HSD3B7: variants seen among roughly 807,000 people sequenced by gnomAD.
The protein encoded by HSD3B7 is 3 beta-hydroxysteroid dehydrogenase type 7.
HSD3B7 carries 35 observed loss-of-function variants against 34.3 expected under a neutral mutation model. The observed-to-expected ratio is 1.02, with a 90% CI of 0.78 to 1.35. The LOEUF (loss-of-function observed/expected upper bound fraction) is 1.35, where lower values mean the gene tolerates loss of function less well. Among genes scored for constraint, HSD3B7 ranks in the 40% most tolerant of loss-of-function variants. HSD3B7 has a pLI of 0.00. For synonymous variants in HSD3B7, 217 were observed against 220.1 expected (o/e 0.99, Z 0.13); for missense variants, 426 against 504.7 (o/e 0.84, Z 1.49).
chr16:30,985,626 C>A (rs1436356722), intron 1 of HSD3B7, 27 bp from the exon 2 acceptor site: 1 of 1,584,550 alleles, frequency 6.3e-7, no homozygotes. Context: ...CAGCCAGCCC[C>A]TGGATGAGCC....
In HSD3B7 at chr16:30,986,645, C is replaced by T; in HGVS notation, c.472C>T (p.Pro158Ser). 6.2e-7 allele frequency: 1 copy of T among 1,614,212 alleles called. No individual in the cohort carries two copies. Among genetic ancestry groups the T allele is most frequent in the Non-Finnish European group, 8.5e-7 (1 of 1,180,042 alleles). ...CCCATACGAAGCAGTGCACAGGCACCCCTATCCTTGCAGCAAGGCCCTGGC... is the reference window on the plus strand; with the variant it reads ...CCCATACGAAGCAGTGCACAGGCACTCCTATCCTTGCAGCAAGGCCCTGGC... The part of the protein sequence containing the change: ...DTPYEAVHRH[P>S]YPCSKALAEW... Residue 158 changes from proline to serine, a missense_variant, in exon 5 of 7, where the codon CCC becomes TCC. Coordinates refer to ENST00000297679, the MANE Select transcript of HSD3B7 (RefSeq NM_025193.4).
In HSD3B7 at chr16:30,988,685, C is replaced by T. The variant is rs1314949782; in HGVS notation, c.*502C>T. 1 of 157,914 alleles carries T rather than the reference C, an allele frequency of 6.3e-6. No homozygotes were observed. Among genetic ancestry groups the T allele is most frequent in the Non-Finnish European group, 1.4e-5 (1 of 71,248 alleles). The allele number at this position is 157,914 out of a possible 1,614,324, so 9.8% of individuals were successfully genotyped here. A position where few individuals can be genotyped will look rare whatever the true frequency, so the allele number is the denominator to read the frequency against. On this transcript the variant is annotated 3_prime_UTR_variant, in exon 7 of 7. Coordinates refer to ENST00000297679, the MANE Select transcript of HSD3B7 (RefSeq NM_025193.4). Reference sequence around the variant, plus strand: ...CTTGAGTCTGTGTTGTGTCCTGACACCTCCAAGTTCTAGGGCCGTCAGGAC... The same window carrying T: ...CTTGAGTCTGTGTTGTGTCCTGACATCTCCAAGTTCTAGGGCCGTCAGGAC...
chr16:30,986,043 G>A lies in HSD3B7; in HGVS notation c.167-6G>A, dbSNP rs794727520. The A allele has an allele frequency of 6.8e-6, 11 of 1,612,256 alleles. No individual in the cohort carries two copies. Among genetic ancestry groups the A allele is most frequent in the Non-Finnish European group, 9.3e-6 (11 of 1,179,814 alleles). Reference sequence around the variant, plus strand: ...GACATGGCCTGTGTCCTCCAACCCCGGCCAGGGCCTGTGAGGGTGACTGCC... The same window carrying A: ...GACATGGCCTGTGTCCTCCAACCCCAGCCAGGGCCTGTGAGGGTGACTGCC... On this transcript the variant is annotated splice_region_variant and splice_polypyrimidine_tract_variant and intron_variant, in intron 2 of 6. Coordinates refer to ENST00000297679, the MANE Select transcript of HSD3B7 (RefSeq NM_025193.4).
chr16:30,989,076 C>A lies in HSD3B7; in HGVS notation c.*893C>A, dbSNP rs1052870856. The A allele has an allele frequency of 6.6e-6, 1 of 152,320 alleles. No homozygotes were observed. The highest frequency in any genetic ancestry group is 1.5e-5 in the Non-Finnish European group (1 of 68,124). The allele number at this position is 152,320 out of a possible 1,614,324, so 9.4% of individuals were successfully genotyped here. A position where few individuals can be genotyped will look rare whatever the true frequency, so the allele number is the denominator to read the frequency against. On this transcript the variant is annotated 3_prime_UTR_variant, in exon 7 of 7. Coordinates refer to ENST00000297679, the MANE Select transcript of HSD3B7 (RefSeq NM_025193.4). ...CTACCTAAGTTCCTTCCCAGCACAT[C>A]GCCAGCCCTGGGCCTGGGGATGTCC... is the stretch of plus-strand genomic sequence containing the variant.
chr16:30,987,687 G>T, intron 6 of HSD3B7, 81 bp from the exon 7 acceptor site: 1 of 1,514,448 alleles, frequency 6.6e-7, no homozygotes, highest in Non-Finnish European at 9.1e-7. Context: ...GCCCAAAGAG[G>T]GGGTGGCCCA....
chr16:30,987,775 T>G lies in HSD3B7; in HGVS notation c.702T>G (p.Val234=). 6.2e-7 allele frequency: 1 copy of G among 1,612,324 alleles called. No individual in the cohort carries two copies. The highest frequency in any genetic ancestry group is 8.5e-7 in the Non-Finnish European group (1 of 1,179,982). ...VEHGRVYVGN[V]AWMHVLAARE... The stretch of plus-strand genomic sequence containing the variant: ...CTCTTCCGCCACCGGCAGGCAATGT[T>G]GCCTGGATGCACGTGCTGGCAGCCC... Residue 234 remains valine, a synonymous_variant, in exon 7 of 7, where the codon GTT becomes GTG. Coordinates refer to ENST00000297679, the MANE Select transcript of HSD3B7 (RefSeq NM_025193.4).
rs2056514522 is a variant in HSD3B7 at position 30,988,098 on chromosome 16, T to G, written c.1025T>G (p.Phe342Cys). Residue 342 changes from phenylalanine to cysteine, a missense_variant, in exon 7 of 7, where the codon TTC (phenylalanine) becomes TGC (cysteine). Transcript: ENST00000297679. ...TVSTDKAQRH[F>C]GYEPLFSWED... ...AGCACCGACAAGGCTCAGCGCCATT[T>G]CGGCTATGAGCCCCTGTTCTCGTGG... The G allele has an allele frequency of 1.2e-6, 2 of 1,605,932 alleles. No homozygotes were observed. The highest frequency in any genetic ancestry group is 1.7e-5 in the Admixed American group (1 of 59,958).
At chr16:30,986,238 C>T (rs774650136) in intron 3 of HSD3B7, 34 bp downstream of exon 3, 6 of 1,607,926 alleles carry the variant, frequency 3.7e-6, no homozygotes, top group African/African-American at 1.3e-5. Flanking sequence ...GCCATCTTGC[C>T]TGTTTGTTCC....
At position 30,985,225 on chromosome 16, in the gene HSD3B7, G is replaced by A. The variant is rs1002672275; in HGVS notation, c.-79G>A. ...AGGAGCCAGCGGAAGGACGGTGTGC[G>A]GGCCGGCCAGCCCTGGACGAAAGAA... On this transcript the variant is annotated 5_prime_UTR_variant, in exon 1 of 7. Coordinates refer to ENST00000297679, the MANE Select transcript of HSD3B7 (RefSeq NM_025193.4). 9 of 1,087,930 alleles carry A rather than the reference G, an allele frequency of 8.3e-6. No individual in the cohort carries two copies. Among genetic ancestry groups the A allele is most frequent in the Admixed American group, 9.6e-5 (2 of 20,858 alleles). 67.4% of individuals were successfully genotyped at this position (1,087,930 alleles called of 1,614,324 possible).
At chr16:30,985,407 T>G in intron 1 of HSD3B7, 110 bp downstream of exon 1, 2 of 1,393,726 alleles carry the variant, frequency 1.4e-6, no homozygotes, top group South Asian at 1.5e-5. Context: ...CCCCACCCTT[T>G]TACTGCCTTC....
chr16:30,985,943 G>C, intron 2 of HSD3B7, 106 bp from the exon 3 acceptor site: 1 of 1,575,838 alleles, frequency 6.3e-7, no homozygotes, highest in Non-Finnish European at 8.7e-7. Context: ...ACATGGATGG[G>C]TCGAGTGAGT....
rs1164294924 is a variant in HSD3B7 at position 30,985,299 on chromosome 16, T to G, written c.-7+2T>G. ...GGCACCCTGGGATAGCGGCTGCAGG[T>G]AGGCAGAGGCGCTGCCAGTGCCCAG... On this transcript the variant is annotated splice_donor_variant, in intron 1 of 6. Transcript: ENST00000297679. LOFTEE classifies it low-confidence loss of function (5UTR_SPLICE). 4 of 1,198,894 alleles carry G rather than the reference T, an allele frequency of 3.3e-6. No homozygotes were observed. 74.3% of individuals were successfully genotyped at this position (1,198,894 alleles called of 1,614,324 possible).
intron 6 of HSD3B7, 193 bp downstream of exon 6, chr16:30,987,195 G>A (rs994801452): frequency 3.1e-6 from 2 of 636,956 alleles, no homozygotes; most frequent in African/African-American, 1.8e-5. Context: ...TGCAAGTTGG[G>A]ACATTAAAAA....
chr16:30,986,089 G>A lies in HSD3B7; in HGVS notation c.207G>A (p.Gln69=). The A allele has an allele frequency of 6.2e-7, 1 of 1,613,786 alleles. No homozygotes were observed. The highest frequency in any genetic ancestry group is 2.2e-5 in the East Asian group (1 of 44,886). Residue 69 remains glutamine (Q), a synonymous_variant, in exon 3 of 7, where the codon CAG becomes CAA. Transcript: ENST00000297679. ...RVTAIQGDVT[Q]AHEVAAAVAG... is the part of the protein sequence containing the mutation. ...CTGCCATCCAGGGGGACGTGACCCA[G>A]GCCCATGAGGTGGCAGCAGCTGTGG...
In HSD3B7 at chr16:30,988,007, C is replaced by T; in HGVS notation, c.934C>T (p.Leu312=). The change falls in exon 7 of 7, where the codon CTG becomes TTG. Residue 312 remains leucine (L), a synonymous_variant. Coordinates refer to ENST00000297679, the MANE Select transcript of HSD3B7 (RefSeq NM_025193.4). ...CCTGCTGCAGTGGCTGCTGCGGCCA[C>T]TGGTGCTCTACGCACCCCTGCTGAA... is the stretch of plus-strand genomic sequence containing the variant. ...NALLQWLLRP[L]VLYAPLLNPY... is the part of the protein sequence containing the mutation. 6.2e-7 allele frequency: 1 copy of T among 1,609,168 alleles called. No individual in the cohort carries two copies. The highest frequency in any genetic ancestry group is 8.5e-7 in the Non-Finnish European group (1 of 1,179,984).
intron 2 of HSD3B7, 47 bp downstream of exon 2, chr16:30,985,871 C>A: frequency 6.3e-7 from 1 of 1,583,152 alleles, no homozygotes; most frequent in Non-Finnish European, 8.6e-7. Flanking sequence ...GACGCTTCCC[C>A]AACCCTTCCC....
Position 30,985,408 on chromosome 16 carries a change from T to C in HSD3B7, c.-7+111T>C, listed in dbSNP as rs1043678641. The C allele has an allele frequency of 6.4e-6, 9 of 1,397,230 alleles. No homozygotes were observed. The African/African-American group carries it at 1.3e-4, about 20-fold the overall frequency. 86.6% of individuals were successfully genotyped at this position (1,397,230 alleles called of 1,614,324 possible). ...TCAACTCCTGGCCTCCCCACCCTTT[T>C]ACTGCCTTCAAATCTCTCTCCCTAA... On this transcript the variant is annotated intron_variant, in intron 1 of 6. Coordinates refer to ENST00000297679, the MANE Select transcript of HSD3B7 (RefSeq NM_025193.4).
chr16:30,986,405 C>T lies in HSD3B7; in HGVS notation c.323-18C>T, dbSNP rs758022527. ...GAGGGAAGAAGCTGCAGCTTGGATA[C>T]GCCTCCTCCTCTGCCAGGTACCCGG... is the stretch of plus-strand genomic sequence containing the variant. On this transcript the variant is annotated intron_variant, in intron 3 of 6. Transcript: ENST00000297679. 2.3e-5 allele frequency: 37 copies of T among 1,606,648 alleles called. No homozygotes were observed. Among genetic ancestry groups the T allele is most frequent in the African/African-American group, 4.0e-5 (3 of 74,732 alleles).
rs143434186 is a variant in HSD3B7, at chr16:30,986,945, G to A, written c.637G>A (p.Gly213Arg). The A allele has an allele frequency of 7.6e-5, 122 of 1,613,664 alleles. 1 individual carries two copies. The African/African-American group carries it at 1.3e-3, about 17-fold the overall frequency. ...RDFYRQGLRL[G>R]GWLFRAIPAS... ...CTTCTACCGCCAGGGCCTGCGCCTG[G>A]GAGGTTGGCTCTTCCGGGCCATCCC... Residue 213 changes from glycine (G) to arginine (R), a missense_variant, in exon 6 of 7, where the codon GGA (glycine) becomes AGA (arginine). By Grantham distance (125) the Gly-to-Arg change is moderately radical. Transcript: ENST00000297679.
Sources: gnomAD v4.1 joint callset for allele counts on GRCh38, gnomAD v4.1.1 for gene constraint, MANE v1.5 for transcripts, NCBI Gene and HGNC (gene_info 2026-07-23, HGNC 2026-07-21) for gene names.